MICALL2: variants seen among roughly 807,000 people sequenced by gnomAD.
The protein encoded by MICALL2 is MICAL like 2, also known as MICAL-like protein 2.
Under a neutral mutation model 91.1 loss-of-function variants are expected in MICALL2, and 111 were observed. That is an observed-to-expected ratio of 1.22 (90% CI 1.04 to 1.43). The LOEUF is 1.43. Among genes scored for constraint, MICALL2 ranks in the 40% most tolerant of loss-of-function variants. The pLI, the probability that MICALL2 is intolerant of heterozygous loss-of-function variation, is 0.00. For missense variants in MICALL2, 1,556 were observed against 1,236.0 expected (o/e 1.26, Z -3.88); for synonymous variants, 694 against 525.3 (o/e 1.32, Z -4.39).
chr7:1,448,520 G>A lies in MICALL2; in HGVS notation c.334+100C>T, dbSNP rs1227191423. The A allele has an allele frequency of 8.1e-6, 9 of 1,115,284 alleles. No individual in the cohort carries two copies. In the East Asian group the frequency reaches 1.7e-4, roughly 20 times the overall value. 69.1% of individuals were successfully genotyped at this position (1,115,284 alleles called of 1,614,324 possible). A position where few individuals can be genotyped will look rare whatever the true frequency, so the allele number is the denominator to read the frequency against. On this transcript the variant is annotated intron_variant, in intron 3 of 16. Coordinates refer to ENST00000297508, the MANE Select transcript of MICALL2 (RefSeq NM_182924.4). ...CATGCCAGGGGCCATTCTTGGGGGG[G>A]GGGCTGGGCATGGACCCCAAAAAGT...
Position 1,444,782 on chromosome 7 carries a change from T to A in MICALL2, c.1288A>T (p.Thr430Ser). The A allele has an allele frequency of 6.2e-7, 1 of 1,611,852 alleles. No homozygotes were observed. The highest frequency in any genetic ancestry group is 2.2e-5 in the East Asian group (1 of 44,870). The change falls in exon 6 of 17, where the codon ACC (threonine) becomes TCC (serine). Residue 430 changes from threonine to serine, a missense_variant. Coordinates refer to ENST00000297508, the MANE Select transcript of MICALL2 (RefSeq NM_182924.4). ...GTGGGACCTCTGCCAGAAAGGCTGG[T>A]GCCGGGGGGCACTGCTGATGTTTGG... is the stretch of plus-strand genomic sequence containing the variant. Reference protein sequence around the residue: ...FFQTSAVPPGTSLSGRGPTPS... With the variant: ...FFQTSAVPPGSSLSGRGPTPS...
At chr7:1,443,115 C>G (rs28480021) in intron 6 of MICALL2, among the ~76,000 whole-genome samples, 24 of 140,946 alleles carry the variant, frequency 1.7e-4, no homozygotes, top group South Asian at 1.3e-3. Flanking sequence ...TTCCCTCCCC[C>G]CTTTCCCTTT....
At position 1,447,825 on chromosome 7, in the gene MICALL2, C is replaced by T. The variant is rs1358613398; in HGVS notation, c.335-60G>A. 6.1e-6 allele frequency: 8 copies of T among 1,315,208 alleles called. No homozygotes were observed. The African/African-American group carries it at 9.0e-5, about 15-fold the overall frequency. 81.5% of individuals were successfully genotyped at this position (1,315,208 alleles called of 1,614,324 possible). Reference sequence around the variant, plus strand: ...GGCCTGGCTCTGAAAGGGTCTAGTCCCTCCAGAGGTCCCAGTGCCCAGCAC... The same window carrying T: ...GGCCTGGCTCTGAAAGGGTCTAGTCTCTCCAGAGGTCCCAGTGCCCAGCAC... On this transcript the variant is annotated intron_variant, in intron 3 of 16. Coordinates refer to ENST00000297508, the MANE Select transcript of MICALL2 (RefSeq NM_182924.4).
At chr7:1,448,810 T>C (rs1264179228) in intron 2 of MICALL2, 49 bp from the exon 3 acceptor site, 13 of 1,603,354 alleles carry the variant, frequency 8.1e-6, no homozygotes, top group African/African-American at 1.3e-5. Flanking sequence ...GCCCCCTCCT[T>C]CTCCACCAGG....
chr7:1,437,739 C>G (rs1021842126), intron 13 of MICALL2, 131 bp from the exon 14 acceptor site: 21 of 1,249,268 alleles, frequency 1.7e-5, no homozygotes, highest in African/African-American at 1.2e-4. Flanking sequence ...GCCCGTCCCC[C>G]GCCTGGCCCA....
intron 6 of MICALL2, among the ~76,000 whole-genome samples, chr7:1,443,979 G>A (rs961495305): frequency 6.6e-6 from 1 of 152,172 alleles, no homozygotes; most frequent in Admixed American, 6.5e-5. Context: ...GACTCAGTCA[G>A]ACAAGGTGAT....
chr7:1,456,516 G>T (rs1460189346), intron 1 of MICALL2, among the ~76,000 whole-genome samples: 1 of 152,178 alleles, frequency 6.6e-6, no homozygotes, highest in Admixed American at 6.5e-5. Context: ...AACCTGGGAG[G>T]CGGAGGTTGC....
In MICALL2 at chr7:1,442,348, G is replaced by C; in HGVS notation, c.1555C>G (p.Pro519Ala). Reference protein sequence around the residue: ...GLPSRMEPPAPLSTSSTSQAS... With the variant: ...GLPSRMEPPAALSTSSTSQAS... ...TGAGAGGTACTGCTCGTGCTCAGCG[G>C]GGCTGGCGGTTCCATCCTCGAAGGG... is the stretch of plus-strand genomic sequence containing the variant. The change falls in exon 7 of 17, where the codon CCG (proline) becomes GCG (alanine). Residue 519 changes from proline to alanine, a missense_variant. Physicochemically the swap from Pro to Ala is conservative, Grantham distance 27 (BLOSUM62 -1). Transcript: ENST00000297508. 2.5e-6 allele frequency: 4 copies of C among 1,612,768 alleles called. No individual in the cohort carries two copies. The highest frequency in any genetic ancestry group is 3.4e-6 in the Non-Finnish European group (4 of 1,179,570).
chr7:1,438,867 T>C lies in MICALL2; in HGVS notation c.2095A>G (p.Lys699Glu), dbSNP rs1780117826. 1 of 1,609,228 alleles carries C rather than the reference T, an allele frequency of 6.2e-7. No homozygotes were observed. The highest frequency in any genetic ancestry group is 1.1e-5 in the South Asian group (1 of 91,020). The change falls in exon 10 of 17, where the codon AAG (lysine) becomes GAG (glutamate). Residue 699 changes from lysine (K) to glutamate (E), a missense_variant. By Grantham distance (56) the Lys-to-Glu change is moderately conservative. Coordinates refer to ENST00000297508, the MANE Select transcript of MICALL2 (RefSeq NM_182924.4). ...GGTTTGCCCTGAAGGTGAGGTTTCTTCTCCTCCTCCTTCCAGCTCTGCACT... is the reference window on the plus strand; with the variant it reads ...GGTTTGCCCTGAAGGTGAGGTTTCTCCTCCTCCTCCTTCCAGCTCTGCACT... ...ARVQSWKEEE[K>E]KPHLQGKPGR...
intron 2 of MICALL2, among the ~76,000 whole-genome samples, chr7:1,449,955 CT>C (rs55776155): frequency 0.99 from 151,427 of 152,334 alleles, 75,263 homozygotes; most frequent in East Asian, 1. Flanking sequence ...GCTGAGCCCC[CT>C]TGCAGTGAAG....
intron 5 of MICALL2, 86 bp downstream of exon 5, chr7:1,446,627 A>G (rs1384592439): frequency 5.0e-5 from 41 of 823,872 alleles, no homozygotes; most frequent in East Asian, 4.6e-4. Context: ...GGGGAGGAGG[A>G]GGCCGGGTGG....
Position 1,447,617 on chromosome 7 carries a change from G to A in MICALL2, c.483C>T (p.Val161=), listed in dbSNP as rs1050311078. The A allele has an allele frequency of 1.9e-6, 3 of 1,597,404 alleles. No individual in the cohort carries two copies. In the African/African-American group the frequency reaches 4.0e-5, roughly 21 times the overall value. ...CCCCTGCACCCTCATTCCTCCTCTG[G>A]ACCACAGGGTTTGTCTGGGCTGGAG... ...PLSPAQTNPV[V]QRRNEGAGGP... is the part of the protein sequence containing the mutation. Residue 161 remains valine (V), a synonymous_variant, in exon 4 of 17, where the codon GTC becomes GTT. Coordinates refer to ENST00000297508, the MANE Select transcript of MICALL2 (RefSeq NM_182924.4).
chr7:1,436,245 G>C (rs1004575951), intron 15 of MICALL2, among the ~76,000 whole-genome samples: 2 of 151,954 alleles, frequency 1.3e-5, no homozygotes, highest in Non-Finnish European at 2.9e-5. Context: ...CAAAAAATTA[G>C]CCGGGCATGG....
At chr7:1,434,780 C>A in intron 16 of MICALL2, 108 bp from the exon 17 acceptor site, 1 of 1,162,294 alleles carries the variant, frequency 8.6e-7, no homozygotes. Flanking sequence ...TGGCCACAAT[C>A]CGCCCTGGGC....
In MICALL2 at chr7:1,438,357, G is replaced by A; in HGVS notation, c.2123-4C>T. 5 of 1,599,894 alleles carry A rather than the reference G, an allele frequency of 3.1e-6. No individual in the cohort carries two copies. The highest frequency in any genetic ancestry group is 4.3e-6 in the Non-Finnish European group (5 of 1,174,696). On this transcript the variant is annotated splice_region_variant and splice_polypyrimidine_tract_variant and intron_variant, in intron 10 of 16. Transcript: ENST00000297508. ...TTGGCCGGGGACAAGGGTCTCCCTG[G>A]AGAAGGAGCAGGGTGAGCCTCTGGG...
chr7:1,451,727 A>ACCCCCC lies in MICALL2; in HGVS notation c.144-1440_144-1439insGGGGGG, dbSNP rs1780835766. 6.6e-6 allele frequency among the ~76,000 whole-genome samples: 1 copy of ACCCCCC among 152,198 alleles called. No individual in the cohort carries two copies. The highest frequency in any genetic ancestry group is 1.5e-5 in the Non-Finnish European group (1 of 68,022). ...CTCAGTCTCCCTGTCTGGGAGGACA[A>ACCCCCC]CCGCAGCTCCTGGTGGCGAATCTGA... On this transcript the variant is annotated intron_variant, in intron 1 of 16. Coordinates refer to ENST00000297508, the MANE Select transcript of MICALL2 (RefSeq NM_182924.4). The surrounding 1 kb of genome is among the most constrained non-coding windows in gnomAD (Gnocchi z 4.5).
At position 1,445,484 on chromosome 7, in the gene MICALL2, T is replaced by A. The variant is rs144581074; in HGVS notation, c.642-56A>T. 1.0e-3 allele frequency: 1,458 copies of A among 1,420,620 alleles called. 13 individuals carry two copies. In the African/African-American group the frequency reaches 0.018, roughly 18 times the overall value. 88.0% of individuals were successfully genotyped at this position (1,420,620 alleles called of 1,614,324 possible). ...TCGGCACCGCCCACCCCGCCACGCA[T>A]TCACCACGTGCTCCTGATAGCAGGC... On this transcript the variant is annotated intron_variant, in intron 5 of 16. Coordinates refer to ENST00000297508, the MANE Select transcript of MICALL2 (RefSeq NM_182924.4).
At chr7:1,438,540 A>G in intron 10 of MICALL2, 187 bp from the exon 11 acceptor site, 1 of 1,431,808 alleles carries the variant, frequency 7.0e-7, no homozygotes, top group Non-Finnish European at 9.1e-7. Flanking sequence ...CTCCAGGCCC[A>G]GCCCCACCCT....
At chr7:1,436,356 T>C (rs1779963450) in intron 15 of MICALL2, among the ~76,000 whole-genome samples, 1 of 151,386 alleles carries the variant, frequency 6.6e-6, no homozygotes, top group South Asian at 2.1e-4. Flanking sequence ...CACTCCAGCC[T>C]GGGCAACAGG....
Sources: gnomAD v4.1 joint callset for allele counts (sites outside exome capture counted in the v4.1 genomes callset) on GRCh38, gnomAD v4.1.1 for gene constraint, Gnocchi (gnomAD v3.1) non-coding constraint, MANE v1.5 for transcripts, NCBI Gene and HGNC (gene_info 2026-07-23, HGNC 2026-07-21) for gene names.